The following ASTN2 variants were observed in gnomAD, a reference collection of about 807,000 sequenced individuals.
ASTN2 encodes the protein astrotactin-2.
In ASTN2, 54 loss-of-function variants were observed where a neutral mutation model predicts 139.8. The observed-to-expected ratio is 0.39, with a 90% confidence interval of 0.31 to 0.48. ASTN2 has a LOEUF of 0.48. Among genes scored for constraint, ASTN2 ranks in the 20% least tolerant of loss-of-function variants. The pLI, the probability that ASTN2 is intolerant of heterozygous loss-of-function variation, is 0.95. For missense variants in ASTN2, 1,565 were observed against 1,725.1 expected (o/e 0.91, Z 1.64); for synonymous variants, 756 against 719.5 (o/e 1.05, Z -0.81).
chr9:117,067,961 A>T (rs1828001713), intron 5 of ASTN2, among the ~76,000 whole-genome samples: 1 of 116,740 alleles, frequency 8.6e-6, no homozygotes, highest in Non-Finnish European at 1.8e-5. Context: ...AAACAGGGAC[A>T]ATTTGACTTC....
At chr9:116,852,941 C>T (rs1832650630) in intron 11 of ASTN2, among the ~76,000 whole-genome samples, 1 of 148,706 alleles carries the variant, frequency 6.7e-6, no homozygotes, top group Non-Finnish European at 1.5e-5. Context: ...GCTAGGAAGT[C>T]AGTTGTCCTA....
intron 13 of ASTN2, among the ~76,000 whole-genome samples, chr9:116,764,206 C>T (rs1043403249): frequency 1.3e-5 from 2 of 152,182 alleles, no homozygotes; most frequent in East Asian, 3.8e-4. Context: ...CTGCCTGTGT[C>T]GCTAGCATGC....
chr9:117,156,452 A>T (rs925429307), intron 3 of ASTN2, among the ~76,000 whole-genome samples: 6 of 152,008 alleles, frequency 3.9e-5, no homozygotes, highest in African/African-American at 1.2e-4. Flanking sequence ...TGTCTGATGC[A>T]TTGTAAGGTG....
intron 19 of ASTN2, among the ~76,000 whole-genome samples, chr9:116,605,514 A>G (rs1855146653): frequency 6.6e-6 from 1 of 152,106 alleles, no homozygotes; most frequent in South Asian, 2.1e-4. Flanking sequence ...AGACAGAAAA[A>G]CAGGAGATTA....
chr9:117,209,608 G>T (rs879470323), intron 3 of ASTN2, among the ~76,000 whole-genome samples: 7 of 151,906 alleles, frequency 4.6e-5, no homozygotes, highest in Admixed American at 3.3e-4. Context: ...ATAATAATTG[G>T]GGACCTCAAC....
chr9:116,532,051 T>C (rs4836738), intron 19 of ASTN2, among the ~76,000 whole-genome samples: 27,457 of 152,156 alleles, frequency 0.18, 2,857 homozygotes, highest in African/African-American at 0.28. Flanking sequence ...TTTCAATGAT[T>C]GCCATTCTAA....
chr9:117,072,482 A>G (rs1828161867), intron 5 of ASTN2, among the ~76,000 whole-genome samples: 1 of 152,246 alleles, frequency 6.6e-6, no homozygotes, highest in East Asian at 1.9e-4. Context: ...AGAGCTGAGA[A>G]GAAATTGAGA....
chr9:117,220,755 T>C (rs998349692), intron 2 of ASTN2, among the ~76,000 whole-genome samples: 2 of 152,176 alleles, frequency 1.3e-5, no homozygotes, highest in Admixed American at 6.5e-5. Context: ...CATGAAAGAA[T>C]AAATTTCTCA....
Position 116,535,738 on chromosome 9 carries a change from T to C in ASTN2, c.3356-48238A>G, listed in dbSNP as rs553842386. Reference sequence around the variant, plus strand: ...GCTGAGAGATCAGCTGTTAATCTGATGGGCTTCCCTTTGTTGGTAACCCGA... The same window carrying C: ...GCTGAGAGATCAGCTGTTAATCTGACGGGCTTCCCTTTGTTGGTAACCCGA... On this transcript the variant is annotated intron_variant, in intron 19 of 22. Transcript: ENST00000313400. Among the ~76,000 whole-genome samples the C allele has an allele frequency of 1.2e-4, 18 of 152,362 alleles. No individual in the cohort carries two copies. In the South Asian group the frequency reaches 3.5e-3, roughly 30 times the overall value.
intron 5 of ASTN2, among the ~76,000 whole-genome samples, chr9:117,072,040 C>T (rs1048477380): frequency 3.3e-5 from 5 of 152,128 alleles, no homozygotes; most frequent in Non-Finnish European, 5.9e-5. Context: ...CTCCCCCACT[C>T]CCATTTTACA....
intron 10 of ASTN2, among the ~76,000 whole-genome samples, chr9:116,935,953 G>T (rs1047957802): frequency 1.3e-5 from 2 of 151,396 alleles, no homozygotes; most frequent in African/African-American, 2.4e-5. Flanking sequence ...AAGAGATGTT[G>T]AGTAACTTGC....
rs114520232 is a variant in ASTN2, at chr9:116,566,770, T to C, written c.3355+51554A>G. ...TAGCAGGGATACTAAGGCAAGCCCA[T>C]TCTGGGAGATACAGGAATCCTCAGA... On this transcript the variant is annotated intron_variant, in intron 19 of 22. Transcript: ENST00000313400. Among the ~76,000 whole-genome samples, 765 of 152,300 alleles carry C rather than the reference T, an allele frequency of 5.0e-3. 9 individuals are homozygous for C. The highest frequency in any genetic ancestry group is 0.018 in the African/African-American group (733 of 41,564).
chr9:116,679,787 G>A (rs902600647), intron 16 of ASTN2, among the ~76,000 whole-genome samples: 4 of 152,102 alleles, frequency 2.6e-5, no homozygotes, highest in Non-Finnish European at 4.4e-5. Flanking sequence ...GGTACATAAC[G>A]AAATGAAGGC....
chr9:117,166,260 G>A (rs1368950770), intron 3 of ASTN2, among the ~76,000 whole-genome samples: 1 of 152,070 alleles, frequency 6.6e-6, no homozygotes. Flanking sequence ...TATGGAGTCT[G>A]AAGGGTCAGG....
At chr9:117,389,647 A>G (rs1160202599) in intron 1 of ASTN2, among the ~76,000 whole-genome samples, 1 of 152,208 alleles carries the variant, frequency 6.6e-6, no homozygotes, top group African/African-American at 2.4e-5. Flanking sequence ...CGACACTGGT[A>G]TCTATCCATT....
intron 19 of ASTN2, among the ~76,000 whole-genome samples, chr9:116,510,751 T>A (rs1406146589): frequency 2.6e-5 from 4 of 152,064 alleles, no homozygotes; most frequent in African/African-American, 9.7e-5. Flanking sequence ...GGTATTTTAT[T>A]CTCTTTGAAG....
intron 11 of ASTN2, among the ~76,000 whole-genome samples, chr9:116,848,526 A>G (rs768877119): frequency 1.3e-5 from 2 of 152,218 alleles, no homozygotes; most frequent in Non-Finnish European, 2.9e-5. Flanking sequence ...CAGCACGAAG[A>G]GGTGTATTAA....
At chr9:117,316,191 G>T (rs1828139271) in intron 1 of ASTN2, among the ~76,000 whole-genome samples, 1 of 152,152 alleles carries the variant, frequency 6.6e-6, no homozygotes, top group South Asian at 2.1e-4. Context: ...CTGATTATGG[G>T]CTTCTGGAAT....
intron 20 of ASTN2, among the ~76,000 whole-genome samples, chr9:116,464,875 A>G (rs1289244934): frequency 1.3e-5 from 2 of 152,200 alleles, no homozygotes; most frequent in Admixed American, 6.5e-5. Context: ...TGTGAGGCAC[A>G]ATGGGTGCGA....
Sources: gnomAD v4.1 joint callset for allele counts (sites outside exome capture counted in the v4.1 genomes callset) on GRCh38, gnomAD v4.1.1 for gene constraint, MANE v1.5 for transcripts, NCBI Gene and HGNC (gene_info 2026-07-23, HGNC 2026-07-21) for gene names.